The following TLN2 variants were observed in gnomAD, a reference collection of about 807,000 sequenced individuals.
TLN2 encodes talin-2.
TLN2 carries 118 observed loss-of-function variants against 294.7 expected under a neutral mutation model. The ratio of observed to expected loss-of-function variants is 0.40; its 90% CI spans 0.34 to 0.47. The LOEUF is 0.47. TLN2 is among the 20% of genes least tolerant of loss of function. The pLI, the probability that TLN2 is intolerant of heterozygous loss-of-function variation, is 0.84. For synonymous variants in TLN2, 1,431 were observed against 1,304.5 expected, an observed-to-expected ratio of 1.10 and a Z score of -2.09; for missense variants, 3,083 against 3,282.2, an observed-to-expected ratio of 0.94 and a Z score of 1.48.
intron 2 of TLN2, among the ~76,000 whole-genome samples, chr15:62,616,884 T>C (rs6494326): frequency 0.49 from 75,017 of 152,018 alleles, 18,769 homozygotes; most frequent in East Asian, 0.58. Flanking sequence ...ATTACTTTCT[T>C]AAATGAGCAG....
intron 28 of TLN2, 78 bp downstream of exon 28, chr15:62,727,267 C>G: frequency 3.8e-6 from 5 of 1,304,464 alleles, no homozygotes; most frequent in Non-Finnish European, 5.4e-6. Flanking sequence ...GGAGTTCATT[C>G]CTTTGACAAT....
chr15:62,511,475 A>G (rs2039932106), intron 1 of TLN2, among the ~76,000 whole-genome samples: 1 of 152,126 alleles, frequency 6.6e-6, no homozygotes, highest in Admixed American at 6.5e-5. Context: ...ATTTGTTTTT[A>G]TGTTAAAATG....
At chr15:62,408,684 A>C (rs2033576572) in intron 1 of TLN2, among the ~76,000 whole-genome samples, 1 of 152,202 alleles carries the variant, frequency 6.6e-6, no homozygotes, top group Non-Finnish European at 1.5e-5. Context: ...CTTAGAGTGT[A>C]GTCTTTGGAT....
chr15:62,840,376 A>AGTG (rs758740849), intron 58 of TLN2, 106 bp from the exon 59 acceptor site: 1 of 1,482,332 alleles, frequency 6.7e-7, no homozygotes, highest in Non-Finnish European at 9.1e-7. Flanking sequence ...GATGTGCTGC[A>AGTG]GTGTCCCACG....
chr15:62,726,081 A>G (rs1001944403), intron 27 of TLN2, among the ~76,000 whole-genome samples: 1 of 147,982 alleles, frequency 6.8e-6, no homozygotes, highest in Non-Finnish European at 1.5e-5. Flanking sequence ...ACAGCTTTGC[A>G]AAGTGGTCCG....
chr15:62,500,843 G>T (rs1380834988), intron 1 of TLN2, among the ~76,000 whole-genome samples: 1 of 152,202 alleles, frequency 6.6e-6, no homozygotes, highest in African/African-American at 2.4e-5. Flanking sequence ...TAAAGACGCA[G>T]AAGAAAGATA....
chr15:62,716,239 C>A (rs968378017), intron 22 of TLN2, 92 bp from the exon 23 acceptor site: 245 of 1,320,172 alleles, frequency 1.9e-4, no homozygotes, highest in Non-Finnish European at 2.4e-4. Flanking sequence ...CTTGCAAATG[C>A]TTTCTATTAC....
At chr15:62,573,280 T>G (rs2044067505) in intron 1 of TLN2, among the ~76,000 whole-genome samples, 1 of 152,088 alleles carries the variant, frequency 6.6e-6, no homozygotes, top group Admixed American at 6.5e-5. Context: ...TGTCTTCACT[T>G]CCTTCTTTAC....
At chr15:62,470,136 C>T (rs546031005) in intron 1 of TLN2, among the ~76,000 whole-genome samples, 2 of 152,304 alleles carry the variant, frequency 1.3e-5, no homozygotes, top group South Asian at 2.1e-4. Flanking sequence ...ATCTCATGCC[C>T]CTTTCCCACT....
chr15:62,823,284 G>GGCAC (rs2067739562), intron 54 of TLN2, among the ~76,000 whole-genome samples: 1 of 152,034 alleles, frequency 6.6e-6, no homozygotes. Context: ...TGCCTAATAG[G>GGCAC]GCACATTGCA....
At position 62,690,625 on chromosome 15, in the gene TLN2, G is replaced by A. The variant is rs1420293511; in HGVS notation, c.1114-2215G>A. 3.0e-3 allele frequency among the ~76,000 whole-genome samples: 442 copies of A among 148,736 alleles called. 48 individuals carry two copies. Among genetic ancestry groups the A allele is most frequent in the African/African-American group, 0.011 (429 of 38,268 alleles). ...CCAGACGGGGTGGCGGCCGGGCAGA[G>A]GCTGCAATCTCGGCACTTTGGGAGG... On this transcript the variant is annotated intron_variant, in intron 12 of 58. Transcript: ENST00000636159.
At chr15:62,626,475 T>C (rs2049292835) in intron 3 of TLN2, among the ~76,000 whole-genome samples, 1 of 152,202 alleles carries the variant, frequency 6.6e-6, no homozygotes, top group Admixed American at 6.5e-5. Flanking sequence ...GAAAATGAAT[T>C]AACATGCTCA....
At chr15:62,487,102 T>C (rs924170266) in intron 1 of TLN2, among the ~76,000 whole-genome samples, 3 of 152,182 alleles carry the variant, frequency 2.0e-5, no homozygotes, top group Admixed American at 6.5e-5. Flanking sequence ...GATTAGGACA[T>C]GGAAAAGTCT....
intron 1 of TLN2, among the ~76,000 whole-genome samples, chr15:62,500,930 C>T (rs909568727): frequency 6.6e-6 from 1 of 152,234 alleles, no homozygotes; most frequent in Non-Finnish European, 1.5e-5. Flanking sequence ...ACAGTCCCTG[C>T]AGCAACACAG....
Position 62,820,433 on chromosome 15 carries a change from G to T in TLN2, c.6878-53G>T, listed in dbSNP as rs974769763. 59 of 1,593,438 alleles carry T rather than the reference G, an allele frequency of 3.7e-5. No individual in the cohort carries two copies. In the East Asian group the frequency reaches 1.3e-3, roughly 35 times the overall value. On this transcript the variant is annotated intron_variant, in intron 53 of 58. Coordinates refer to ENST00000636159, the MANE Select transcript of TLN2 (RefSeq NM_015059.3). ...CCAGATAGTGTTTTTAATTAAGCCAGTGCCCTGAGGTCTGCAGCTATGAAG... is the reference window on the plus strand; with the variant it reads ...CCAGATAGTGTTTTTAATTAAGCCATTGCCCTGAGGTCTGCAGCTATGAAG...
At chr15:62,551,566 G>A (rs1265759477) in intron 1 of TLN2, among the ~76,000 whole-genome samples, 1 of 150,444 alleles carries the variant, frequency 6.6e-6, no homozygotes, top group African/African-American at 2.5e-5. Context: ...AGATGTGGTG[G>A]CAGGCACCTG....
At position 62,675,282 on chromosome 15, in the gene TLN2, G is replaced by T. The variant is rs150469304; in HGVS notation, c.918G>T (p.Arg306=). The T allele has an allele frequency of 6.1e-5, 99 of 1,614,254 alleles. No individual in the cohort carries two copies. Among genetic ancestry groups the T allele is most frequent in the Non-Finnish European group, 8.1e-5 (95 of 1,180,058 alleles). ...AGGTCAAGTACGTCAAACTCGCACG[G>T]TCCCTCCGCACATATGGCGTGTCCT... The part of the protein sequence containing the change: ...EAKVKYVKLA[R]SLRTYGVSFF... The change falls in exon 11 of 59, where the codon CGG becomes CGT. Residue 306 remains arginine, a synonymous_variant. Coordinates refer to ENST00000636159, the MANE Select transcript of TLN2 (RefSeq NM_015059.3).
At chr15:62,480,330 C>T (rs1282698451) in intron 1 of TLN2, among the ~76,000 whole-genome samples, 1 of 152,186 alleles carries the variant, frequency 6.6e-6, no homozygotes, top group East Asian at 1.9e-4. Flanking sequence ...TCTCCAGCCT[C>T]AACTTCCCGA....
chr15:62,684,697 A>T (rs111234149), intron 11 of TLN2, among the ~76,000 whole-genome samples: 2 of 152,042 alleles, frequency 1.3e-5, no homozygotes, highest in African/African-American at 4.8e-5. Flanking sequence ...AGTAAACTGC[A>T]GTAGACAGTC....
Sources: allele counts gnomAD v4.1 joint callset (sites outside exome capture counted in the v4.1 genomes callset), GRCh38; gene constraint gnomAD v4.1.1; transcripts MANE v1.5; gene names NCBI Gene and HGNC (gene_info 2026-07-23, HGNC 2026-07-21).